Variants in CPQ observed in about 807,000 individuals in gnomAD.
CPQ encodes carboxypeptidase Q.
Under a neutral mutation model 45.7 loss-of-function variants are expected in CPQ, and 37 were observed. The ratio of observed to expected loss-of-function variants is 0.81; its 90% confidence interval spans 0.62 to 1.07. The LOEUF is 1.07. CPQ is among the 50% of genes least tolerant of loss of function. The pLI is 0.00. For missense variants in CPQ, 537 were observed against 572.9 expected, an observed-to-expected ratio of 0.94 and a Z score of 0.64; for synonymous variants, 186 against 205.8, an observed-to-expected ratio of 0.90 and a Z score of 0.82.
chr8:97,123,233 A>C (rs1267715643), intron 7 of CPQ, among the ~76,000 whole-genome samples: 1 of 144,752 alleles, frequency 6.9e-6, no homozygotes, highest in East Asian at 2.0e-4. Context: ...AAATAAAATA[A>C]AATAAATAAA....
chr8:96,884,612 C>T (rs2130884771), intron 4 of CPQ, among the ~76,000 whole-genome samples: 1 of 151,952 alleles, frequency 6.6e-6, no homozygotes, highest in South Asian at 2.1e-4. Context: ...CATAAATGAA[C>T]AGAAAATGAG....
chr8:96,691,510 TTC>T, intron 1 of CPQ, among the ~76,000 whole-genome samples: 3 of 152,004 alleles, frequency 2.0e-5, no homozygotes, highest in Non-Finnish European at 4.4e-5. Context: ...GTCATCTCTC[TTC>T]ATACATTTAA....
intron 4 of CPQ, among the ~76,000 whole-genome samples, chr8:96,963,910 CAT>C (rs894168958): frequency 6.6e-6 from 1 of 152,006 alleles, no homozygotes; most frequent in African/African-American, 2.4e-5. Flanking sequence ...ATTTATACAT[CAT>C]GTGTTATTTT....
intron 5 of CPQ, among the ~76,000 whole-genome samples, chr8:96,999,590 C>G (rs1317639876): frequency 6.6e-6 from 1 of 151,844 alleles, no homozygotes; most frequent in African/African-American, 2.4e-5. Flanking sequence ...TTATGGCTGC[C>G]TAGTATTCCA....
intron 7 of CPQ, among the ~76,000 whole-genome samples, chr8:97,081,703 AC>A (rs1368395880): frequency 2.6e-5 from 4 of 152,154 alleles, no homozygotes; most frequent in Non-Finnish European, 5.9e-5. Context: ...GTGGCTGAGC[AC>A]CCATGTTTTC....
chr8:97,010,148 T>C (rs1450977356), intron 5 of CPQ, among the ~76,000 whole-genome samples: 1 of 152,214 alleles, frequency 6.6e-6, no homozygotes, highest in Non-Finnish European at 1.5e-5. Flanking sequence ...AAAGTTATAT[T>C]AGAAAGCAAT....
chr8:96,772,912 T>C (rs778446754), intron 1 of CPQ, among the ~76,000 whole-genome samples: 10 of 152,092 alleles, frequency 6.6e-5, no homozygotes, highest in Non-Finnish European at 1.2e-4. Context: ...TAAAGAAAAG[T>C]GTAATTGATA....
intron 7 of CPQ, among the ~76,000 whole-genome samples, chr8:97,078,801 C>G (rs961643739): frequency 2.8e-5 from 4 of 145,358 alleles, no homozygotes; most frequent in Non-Finnish European, 6.0e-5. Context: ...CTCTCTCTCT[C>G]TCTCTCCCTC....
Position 97,122,981 on chromosome 8 carries a change from T to TAAAA in CPQ, c.1256-20039_1256-20038insAAAA, listed in dbSNP as rs1224428408. Among the ~76,000 whole-genome samples, 45 of 24,254 alleles carry TAAAA rather than the reference T, an allele frequency of 1.9e-3. 4 individuals are homozygous for TAAAA. The highest frequency in any genetic ancestry group is 2.1e-3 in the South Asian group (2 of 934). 15.9% of individuals were successfully genotyped at this position (24,254 alleles called of 152,430 possible). On this transcript the variant is annotated intron_variant, in intron 7 of 7. Coordinates refer to ENST00000220763, the MANE Select transcript of CPQ (RefSeq NM_016134.4). The stretch of plus-strand genomic sequence containing the variant: ...TAAAATAAAATAAAATAAAATAAAA[T>TAAAA]TAAAATAAAATAAAATAAAATATAA...
At chr8:96,862,363 G>T (rs568855166) in intron 3 of CPQ, among the ~76,000 whole-genome samples, 1 of 150,266 alleles carries the variant, frequency 6.7e-6, no homozygotes, top group Non-Finnish European at 1.5e-5. Context: ...AGAAAGACTG[G>T]TTATAATCTA....
intron 7 of CPQ, among the ~76,000 whole-genome samples, chr8:97,077,026 TAAG>T (rs1261037245): frequency 6.6e-6 from 1 of 152,196 alleles, no homozygotes. Flanking sequence ...AGAAAACTGT[TAAG>T]AAAAGCATAA....
intron 6 of CPQ, chr8:97,056,628 G>C (rs1431324871): frequency 6.6e-6 from 1 of 152,326 alleles, no homozygotes; most frequent in African/African-American, 2.4e-5. Flanking sequence ...GACAACCAAT[G>C]TTTGAGAGTG....
At chr8:97,033,765 C>T (rs888801261) in intron 6 of CPQ, among the ~76,000 whole-genome samples, 2 of 151,792 alleles carry the variant, frequency 1.3e-5, no homozygotes, top group African/African-American at 4.8e-5. Context: ...TTCTTTCTTC[C>T]CCCTCACAAA....
In CPQ at chr8:96,678,951, G is replaced by C. The variant is rs1057239297; in HGVS notation, c.-35+33549G>C. Among the ~76,000 whole-genome samples, 4 of 151,780 alleles carry C rather than the reference G, an allele frequency of 2.6e-5. No individual in the cohort carries two copies. The South Asian group carries it at 8.3e-4, about 32-fold the overall frequency. ...ACCCCGTTTGTCTATTTTTGTTTTT[G>C]TTGCCTGTTTTTGAAGTCTTAGCCA... On this transcript the variant is annotated intron_variant, in intron 1 of 7. Coordinates refer to ENST00000220763, the MANE Select transcript of CPQ (RefSeq NM_016134.4).
intron 2 of CPQ, among the ~76,000 whole-genome samples, chr8:96,812,968 G>T (rs1381302755): frequency 1.3e-5 from 2 of 152,022 alleles, no homozygotes; most frequent in African/African-American, 2.4e-5. Context: ...AATACAGTGA[G>T]ACTTCTTCCT....
intron 1 of CPQ, among the ~76,000 whole-genome samples, chr8:96,780,918 A>G (rs781387191): frequency 6.6e-6 from 1 of 152,032 alleles, no homozygotes; most frequent in Non-Finnish European, 1.5e-5. Context: ...AGAGAAAGAG[A>G]GTGAGAATGA....
intron 4 of CPQ, among the ~76,000 whole-genome samples, chr8:96,924,881 C>CT (rs1812852879): frequency 6.6e-6 from 1 of 152,178 alleles, no homozygotes; most frequent in Non-Finnish European, 1.5e-5. Flanking sequence ...TTCACTAACC[C>CT]TTTATAATTT....
intron 1 of CPQ, among the ~76,000 whole-genome samples, chr8:96,699,714 G>A (rs1258987667): frequency 2.6e-5 from 4 of 151,872 alleles, no homozygotes; most frequent in Admixed American, 1.3e-4. Flanking sequence ...TGAAACATAT[G>A]GTACTGAGGG....
At chr8:97,008,928 G>C (rs1809434045) in intron 5 of CPQ, among the ~76,000 whole-genome samples, 1 of 152,196 alleles carries the variant, frequency 6.6e-6, no homozygotes, top group Admixed American at 6.5e-5. Context: ...GTCAAGGTCA[G>C]CATGACACCA....
Sources: gnomAD v4.1 joint callset for allele counts (sites outside exome capture counted in the v4.1 genomes callset) on GRCh38, gnomAD v4.1.1 for gene constraint, MANE v1.5 for transcripts, NCBI Gene and HGNC (gene_info 2026-07-23, HGNC 2026-07-21) for gene names.